TUBE1: variants seen among roughly 807,000 people sequenced by gnomAD.
TUBE1 encodes the protein tubulin epsilon chain.
TUBE1 carries 34 observed loss-of-function variants against 53.5 expected under a neutral mutation model. The observed-to-expected ratio is 0.64, with a 90% confidence interval of 0.48 to 0.85. The LOEUF (loss-of-function observed/expected upper bound fraction) is 0.85, where lower values mean the gene tolerates loss of function less well. Among genes scored for constraint, TUBE1 ranks in the 40% least tolerant of loss-of-function variants. The pLI, the probability that TUBE1 is intolerant of heterozygous loss-of-function variation, is 0.00. For missense variants in TUBE1, 532 were observed against 570.5 expected (o/e 0.93, Z 0.69); for synonymous variants, 177 against 198.4 (o/e 0.89, Z 0.91).
chr6:112,071,423 T>C lies in TUBE1; in HGVS notation c.1417A>G (p.Ile473Val), dbSNP rs1776856377. ...MPVQDLPRLSIAM is the reference protein window; with the variant it reads ...MPVQDLPRLSVAM ...TGAGGGTTTCTTTTTCACATAGCTA[T>C]GCTTAGTCTGGGTAAATCCTGCACA... Residue 473 changes from isoleucine (I) to valine (V), a missense_variant, in exon 12 of 12, where the codon ATA becomes GTA. Coordinates refer to ENST00000368662, the MANE Select transcript of TUBE1 (RefSeq NM_016262.5). The C allele has an allele frequency of 6.3e-7, 1 of 1,581,100 alleles. No homozygotes were observed. Among genetic ancestry groups the C allele is most frequent in the Non-Finnish European group, 8.6e-7 (1 of 1,159,450 alleles).
chr6:112,087,211 G>C, intron 2 of TUBE1, 22 bp downstream of exon 2: 2 of 1,548,376 alleles, frequency 1.3e-6, no homozygotes, highest in Non-Finnish European at 1.7e-6. Flanking sequence ...AGGCGAGGGG[G>C]CTCGCGGCGG....
At chr6:112,081,807 A>G (rs1381111778) in intron 4 of TUBE1, among the ~76,000 whole-genome samples, 7 of 151,856 alleles carry the variant, frequency 4.6e-5, no homozygotes, top group Non-Finnish European at 1.0e-4. Context: ...TGGAAAAAAA[A>G]AAAACAGAAA....
intron 9 of TUBE1, among the ~76,000 whole-genome samples, chr6:112,074,196 A>G (rs1776916395): frequency 1.3e-5 from 2 of 152,192 alleles, no homozygotes; most frequent in African/African-American, 4.8e-5. Flanking sequence ...TTTGTTAAGT[A>G]TACTGATGTA....
chr6:112,087,410 C>A lies in TUBE1; in HGVS notation c.25G>T (p.Val9Phe). The A allele has an allele frequency of 6.4e-7, 1 of 1,551,192 alleles. No individual in the cohort carries two copies. Among genetic ancestry groups the A allele is most frequent in the South Asian group, 1.2e-5 (1 of 84,032 alleles). MTQSVVVQ[V>F]GQCGNQIGCC... ...TCTCTACCCGCCCGGCGTAGCTTACCCTGTACGACCACCGACTGGGTCATG... is the reference window on the plus strand; with the variant it reads ...TCTCTACCCGCCCGGCGTAGCTTACACTGTACGACCACCGACTGGGTCATG... The change falls in exon 1 of 12, where the codon GTC becomes TTC. Residue 9 changes from valine to phenylalanine, a missense_variant and splice_region_variant. Transcript: ENST00000368662.
intron 4 of TUBE1, among the ~76,000 whole-genome samples, chr6:112,083,086 T>C (rs1554316928): frequency 6.6e-6 from 1 of 152,088 alleles, no homozygotes; most frequent in East Asian, 1.9e-4. Context: ...CAAAGTCTCT[T>C]TTTCTCTAAG....
chr6:112,078,293 C>T (rs1272474896), intron 6 of TUBE1: 1 of 152,000 alleles, frequency 6.6e-6, no homozygotes, highest in Non-Finnish European at 1.5e-5. Flanking sequence ...CCCAGACTTT[C>T]ACTGATGATT....
chr6:112,085,616 A>G lies in TUBE1; in HGVS notation c.152+940T>C, dbSNP rs922789583. ...ACAAATAAGAGGGAATCTATAGTCT[A>G]TATGACAGATATCTCCATAAAATAA... On this transcript the variant is annotated intron_variant, in intron 3 of 11. Coordinates refer to ENST00000368662, the MANE Select transcript of TUBE1 (RefSeq NM_016262.5). 18 of 469,796 alleles carry G rather than the reference A, an allele frequency of 3.8e-5. No individual in the cohort carries two copies. The East Asian group carries it at 1.2e-3, about 31-fold the overall frequency. 29.1% of individuals were successfully genotyped at this position (469,796 alleles called of 1,614,324 possible).
intron 3 of TUBE1, among the ~76,000 whole-genome samples, chr6:112,085,001 A>C (rs2114493209): frequency 6.6e-6 from 1 of 152,370 alleles, no homozygotes; most frequent in African/African-American, 2.4e-5. Flanking sequence ...ATAAAATTTT[A>C]TTCAAATGTG....
In TUBE1 at chr6:112,083,420, G is replaced by A. The variant is rs587639761; in HGVS notation, c.210+769C>T. On this transcript the variant is annotated intron_variant, in intron 4 of 11. Coordinates refer to ENST00000368662, the MANE Select transcript of TUBE1 (RefSeq NM_016262.5). ...GCAGGCTCTGCCCCCCGGGGTTCAC[G>A]CCATTTTCCTGCCTCAGCCTCCCGA... Among the ~76,000 whole-genome samples the A allele has an allele frequency of 1.9e-3, 284 of 150,534 alleles. 1 individual carries two copies. The highest frequency in any genetic ancestry group is 3.1e-3 in the Non-Finnish European group (211 of 67,824).
intron 4 of TUBE1, among the ~76,000 whole-genome samples, chr6:112,083,602 G>T (rs1447049302): frequency 6.6e-6 from 1 of 152,286 alleles, no homozygotes; most frequent in East Asian, 1.9e-4. Flanking sequence ...ACAGGCGTGA[G>T]CCACCGCGCC....
At chr6:112,086,174 A>G (rs1296110110) in intron 3 of TUBE1, among the ~76,000 whole-genome samples, 1 of 152,236 alleles carries the variant, frequency 6.6e-6, no homozygotes, top group Admixed American at 6.5e-5. Flanking sequence ...TAAATAAACA[A>G]AAACAATCCA....
At position 112,081,095 on chromosome 6, in the gene TUBE1, T is replaced by G. The variant is rs782507438; in HGVS notation, c.323A>C (p.Asn108Thr). 1.3e-6 allele frequency: 2 copies of G among 1,579,242 alleles called. No homozygotes were observed. Among genetic ancestry groups the G allele is most frequent in the Non-Finnish European group, 1.7e-6 (2 of 1,153,888 alleles). ...LITDISGSGN[N>T]WAVGHKVFGS... ...TTTTTACGCTGTGTATTCTCACCAA[T>G]TATTTCCTGAGCCAGAAATATCAGT... The change falls in exon 5 of 12, where the codon AAT becomes ACT. Residue 108 changes from asparagine (N) to threonine (T), a missense_variant. Physicochemically the swap from Asn to Thr is moderately conservative, Grantham distance 65. Transcript: ENST00000368662.
chr6:112,076,924 A>G (rs1483656797), intron 6 of TUBE1: 2 of 152,672 alleles, frequency 1.3e-5, no homozygotes. Flanking sequence ...TATATTAACT[A>G]ATCTAATTTT....
intron 3 of TUBE1, 76 bp from the exon 4 acceptor site, chr6:112,084,322 T>C: frequency 8.4e-7 from 1 of 1,184,522 alleles, no homozygotes; most frequent in South Asian, 1.2e-5. Context: ...AAAGTTAACT[T>C]CCATTTATAT....
In TUBE1 at chr6:112,072,857, T is replaced by C. The variant is rs782615964; in HGVS notation, c.995A>G (p.Gln332Arg). 16 of 1,613,492 alleles carry C rather than the reference T, an allele frequency of 9.9e-6. No homozygotes were observed. Among genetic ancestry groups the C allele is most frequent in the African/African-American group, 2.7e-5 (2 of 74,892 alleles). ...GTGTTTGGGGTCTGCCCGAAGCAGCTGGTGATCTTTACTAAAGGCATCTGA... is the reference window on the plus strand; with the variant it reads ...GTGTTTGGGGTCTGCCCGAAGCAGCCGGTGATCTTTACTAAAGGCATCTGA... The part of the protein sequence containing the change: ...MFSDAFSKDH[Q>R]LLRADPKHSL... The change falls in exon 10 of 12, where the codon CAG becomes CGG. Residue 332 changes from glutamine to arginine, a missense_variant. Transcript: ENST00000368662.
At chr6:112,079,478 A>T in intron 6 of TUBE1, 155 bp downstream of exon 6, 1 of 571,458 alleles carries the variant, frequency 1.7e-6, no homozygotes, top group Non-Finnish European at 2.8e-6. Context: ...CAAAATTTTA[A>T]GATAAAAAGG....
Position 112,071,580 on chromosome 6 carries a change from A to T in TUBE1, c.1270-10T>A. 6.3e-7 allele frequency: 1 copy of T among 1,585,390 alleles called. No individual in the cohort carries two copies. The highest frequency in any genetic ancestry group is 8.6e-7 in the Non-Finnish European group (1 of 1,162,424). ...AGTGATGAAGGTGAGCCTATAAATT[A>T]AAAAATTAGGTAACGTTTACCATTT... On this transcript the variant is annotated splice_polypyrimidine_tract_variant and intron_variant, in intron 11 of 11. Transcript: ENST00000368662.
Position 112,071,433 on chromosome 6 carries a change from G to A in TUBE1, c.1407C>T (p.Pro469=). 1 of 1,601,096 alleles carries A rather than the reference G, an allele frequency of 6.2e-7. No homozygotes were observed. The highest frequency in any genetic ancestry group is 8.5e-7 in the Non-Finnish European group (1 of 1,171,570). Residue 469 remains proline, a synonymous_variant, in exon 12 of 12, where the codon CCC becomes CCT. Coordinates refer to ENST00000368662, the MANE Select transcript of TUBE1 (RefSeq NM_016262.5). ...TTTTTCACATAGCTATGCTTAGTCT[G>A]GGTAAATCCTGCACAGGCATGTTTT... ...ATKNMPVQDL[P]RLSIAM
chr6:112,076,806 C>G (rs1212452845), intron 6 of TUBE1: 1 of 192,942 alleles, frequency 5.2e-6, no homozygotes, highest in Admixed American at 6.1e-5. Flanking sequence ...TAGGTTCAAG[C>G]AAGCTTCTGC....
Sources: gnomAD v4.1 joint callset for allele counts (sites outside exome capture counted in the v4.1 genomes callset) on GRCh38, gnomAD v4.1.1 for gene constraint, MANE v1.5 for transcripts, NCBI Gene and HGNC (gene_info 2026-07-23, HGNC 2026-07-21) for gene names.